PDK1: variants seen among roughly 807,000 people sequenced by gnomAD.
PDK1 encodes the protein pyruvate dehydrogenase kinase 1.
A neutral mutation model predicts 54.2 loss-of-function variants in PDK1; 39 were observed. The observed-to-expected ratio is 0.72, with a 90% CI of 0.56 to 0.94. The LOEUF (loss-of-function observed/expected upper bound fraction) is 0.94. Ranked by LOEUF, PDK1 falls within the 40% of genes least tolerant of loss-of-function variation. The pLI is 0.00. For missense variants in PDK1, 552 were observed against 566.0 expected, an observed-to-expected ratio of 0.98 and a Z score of 0.25; for synonymous variants, 221 against 207.1, an observed-to-expected ratio of 1.07 and a Z score of -0.58.
chr2:172,716,337 T>TC, the PDK1 span, among the ~76,000 whole-genome samples: 3 of 152,152 alleles, frequency 2.0e-5, no homozygotes, highest in Admixed American at 1.3e-4. Context: ...GGCCTAATTT[T>TC]CTTTTTTTTC....
intron 2 of PDK1, among the ~76,000 whole-genome samples, chr2:172,559,705 G>T (rs967116149): frequency 4.6e-5 from 7 of 151,954 alleles, no homozygotes; most frequent in Non-Finnish European, 1.0e-4. Flanking sequence ...CTGCCACCAT[G>T]CCTGGCTAAT....
the PDK1 span, among the ~76,000 whole-genome samples, chr2:172,702,621 T>A: frequency 1.0e-3 from 158 of 151,192 alleles, no homozygotes; most frequent in African/African-American, 3.7e-3. Context: ...TTTTTTTTTT[T>A]AAATTGGCAG....
At chr2:172,611,565 T>C (rs79211959), downstream of PDK1, among the ~76,000 whole-genome samples, 183 of 152,306 alleles carry the variant, frequency 1.2e-3, no homozygotes, top group Non-Finnish European at 2.1e-3. Context: ...CTCATAAGAC[T>C]AGTTTTACCG....
chr2:172,708,600 A>T, the PDK1 span, among the ~76,000 whole-genome samples: 2 of 152,380 alleles, frequency 1.3e-5, no homozygotes, highest in Middle Eastern at 3.4e-3. Flanking sequence ...AAACAGCCAA[A>T]ATAATTGATA....
chr2:172,596,276 G>GTTTT lies in PDK1; in HGVS notation c.*316_*319dup. ...ATCTTCGGGTTTCTATAGGAAACTAGTTTTTTTTTTTTAAGAAATACTTTC... is the reference window on the plus strand; with the variant it reads ...ATCTTCGGGTTTCTATAGGAAACTAGTTTTTTTTTTTTTTTTAAGAAATACTTTC... On this transcript the variant is annotated 3_prime_UTR_variant, in exon 11 of 11. Transcript: ENST00000282077. 6.1e-6 allele frequency: 1 copy of GTTTT among 164,066 alleles called. No individual in the cohort carries two copies. Among genetic ancestry groups the GTTTT allele is most frequent in the Non-Finnish European group, 1.3e-5 (1 of 79,652 alleles). The allele number at this position is 164,066 out of a possible 1,614,324, so 10.2% of individuals were successfully genotyped here.
chr2:172,670,907 C>T, the PDK1 span, among the ~76,000 whole-genome samples: 1 of 152,238 alleles, frequency 6.6e-6, no homozygotes, highest in South Asian at 2.1e-4. Context: ...AGTCTGTCAT[C>T]CAATTGGATG....
At chr2:172,566,810 AG>A in intron 5 of PDK1, 45 bp from the exon 6 acceptor site, 1 of 1,226,288 alleles carries the variant, frequency 8.2e-7, no homozygotes, top group Non-Finnish European at 1.2e-6. Flanking sequence ...GTGAAAGAGA[AG>A]TATATTTATT....
At chr2:172,565,111 A>G (rs775425057) in intron 5 of PDK1, 38 bp downstream of exon 5, 11 of 1,202,966 alleles carry the variant, frequency 9.1e-6, no homozygotes, top group Non-Finnish European at 1.4e-5. Context: ...AAAAGATACA[A>G]AAATCAAAAT....
chr2:172,590,957 G>T (rs751209374), intron 9 of PDK1, among the ~76,000 whole-genome samples: 67 of 152,274 alleles, frequency 4.4e-4, no homozygotes, highest in Middle Eastern at 6.8e-3. Context: ...CTGTTGTTGG[G>T]AATTGGGCGA....
At chr2:172,617,245 G>A in the PDK1 span, among the ~76,000 whole-genome samples, 1 of 151,910 alleles carries the variant, frequency 6.6e-6, no homozygotes, top group Non-Finnish European at 1.5e-5. Flanking sequence ...GAGCCACCAC[G>A]CCTGGCCAGT....
In PDK1 at chr2:172,602,218, A is replaced by C. The variant is rs1691138805; in HGVS notation, c.*6249A>C. 1 of 152,244 alleles carries C rather than the reference A, an allele frequency of 6.6e-6. No homozygotes were observed. The highest frequency in any genetic ancestry group is 1.5e-5 in the Non-Finnish European group (1 of 68,028). The allele number at this position is 152,244 out of a possible 1,614,324, so 9.4% of individuals were successfully genotyped here. The stretch of plus-strand genomic sequence containing the variant: ...ATTAATAGACCAATCTTGTTTATGA[A>C]CATAGATGGAAAAATTGCTGATGAA... On this transcript the variant is annotated 3_prime_UTR_variant, in exon 11 of 11. Coordinates refer to ENST00000282077, the MANE Select transcript of PDK1 (RefSeq NM_002610.5).
At chr2:172,641,121 CTT>C in the PDK1 span, among the ~76,000 whole-genome samples, 1 of 124,448 alleles carries the variant, frequency 8.0e-6, no homozygotes, top group South Asian at 3.1e-4. Context: ...CTTCCTCTCT[CTT>C]TCTCTCTCTT....
the PDK1 span, among the ~76,000 whole-genome samples, chr2:172,662,493 C>CATGTGTGTGTGTGTGTGTGT: frequency 7.0e-6 from 1 of 143,614 alleles, no homozygotes; most frequent in Middle Eastern, 3.5e-3. Context: ...TTTTTAAAAT[C>CATGTGTGTGTGTGTGTGTGT]GTGTGTGTGT....
intron 9 of PDK1, among the ~76,000 whole-genome samples, chr2:172,590,272 T>A (rs923341445): frequency 1.3e-5 from 2 of 152,346 alleles, no homozygotes; most frequent in Middle Eastern, 6.8e-3. Flanking sequence ...AAGAGCAGTA[T>A]TGAGATACCA....
At chr2:172,567,304 C>T (rs1689011363) in intron 6 of PDK1, among the ~76,000 whole-genome samples, 1 of 152,088 alleles carries the variant, frequency 6.6e-6, no homozygotes, top group East Asian at 1.9e-4. Context: ...AAATAATTTT[C>T]TGTTGTTGAG....
the PDK1 span, among the ~76,000 whole-genome samples, chr2:172,622,791 GAT>G: frequency 1.1e-3 from 161 of 143,270 alleles, 1 homozygote; most frequent in African/African-American, 3.9e-3. Flanking sequence ...TCATATGTGA[GAT>G]ATGTTTATAT....
chr2:172,645,099 T>A, the PDK1 span, among the ~76,000 whole-genome samples: 1 of 152,056 alleles, frequency 6.6e-6, no homozygotes, highest in Non-Finnish European at 1.5e-5. Context: ...TTTTAAACAC[T>A]GGGTATCTTG....
At chr2:172,700,177 A>T in the PDK1 span, among the ~76,000 whole-genome samples, 2 of 152,178 alleles carry the variant, frequency 1.3e-5, no homozygotes, top group Non-Finnish European at 2.9e-5. Flanking sequence ...ACACAGTAAC[A>T]ATCCCATCTC....
intron 3 of PDK1, chr2:172,562,742 A>G (rs1410503293): frequency 6.5e-7 from 1 of 1,526,958 alleles, no homozygotes; most frequent in African/African-American, 1.4e-5. Flanking sequence ...AAAACACAGA[A>G]GGCCTAGAAG....
Sources: gnomAD v4.1 joint callset for allele counts (sites outside exome capture counted in the v4.1 genomes callset) on GRCh38, gnomAD v4.1.1 for gene constraint, MANE v1.5 for transcripts, NCBI Gene and HGNC (gene_info 2026-07-23, HGNC 2026-07-21) for gene names.